SAMD12: variants seen among roughly 807,000 people sequenced by gnomAD.
The protein encoded by SAMD12 is sterile alpha motif domain-containing protein 12.
SAMD12 carries 9 observed loss-of-function variants against 15.0 expected under a neutral mutation model. That is an observed-to-expected ratio of 0.60 (90% CI 0.36 to 1.05). The LOEUF (loss-of-function observed/expected upper bound fraction) is 1.05, where lower values mean the gene tolerates loss of function less well. Among genes scored for constraint, SAMD12 ranks in the 50% least tolerant of loss-of-function variants. SAMD12 has a pLI of 0.01. For synonymous variants in SAMD12, 86 were observed against 90.1 expected (o/e 0.96, Z 0.25); for missense variants, 230 against 234.2 (o/e 0.98, Z 0.12).
intron 3 of SAMD12, among the ~76,000 whole-genome samples, chr8:118,414,361 T>G (rs1474753793): frequency 6.6e-6 from 1 of 151,588 alleles, no homozygotes; most frequent in Non-Finnish European, 1.5e-5. Flanking sequence ...AAAAATCACA[T>G]TTTAGTGACA....
intron 4 of SAMD12, among the ~76,000 whole-genome samples, chr8:118,361,252 T>C (rs1004206142): frequency 1.3e-5 from 2 of 152,210 alleles, no homozygotes; most frequent in African/African-American, 4.8e-5. Flanking sequence ...CTTGCAAGAT[T>C]AATTAATTCA....
At chr8:118,133,240 C>T in the SAMD12 span, among the ~76,000 whole-genome samples, 36 of 151,776 alleles carry the variant, frequency 2.4e-4, no homozygotes, top group South Asian at 6.9e-3. Context: ...ATGTAGAAGG[C>T]ATTCAATAAA....
At chr8:118,480,091 T>G (rs764142454) in intron 2 of SAMD12, among the ~76,000 whole-genome samples, 57 of 152,312 alleles carry the variant, frequency 3.7e-4, no homozygotes, top group Admixed American at 1.8e-3. Flanking sequence ...GGTAATTTAA[T>G]GATTTTCTGG....
intron 3 of SAMD12, among the ~76,000 whole-genome samples, chr8:118,410,149 T>C (rs192484429): frequency 6.6e-6 from 1 of 152,200 alleles, no homozygotes; most frequent in Non-Finnish European, 1.5e-5. Flanking sequence ...AAAGAGTATA[T>C]CTAAGGCTAT....
chr8:118,379,581 TTC>T lies in SAMD12; in HGVS notation c.440_441del (p.Arg147LysfsTer14), dbSNP rs758900003. ...GTACCTTGTGTGAGTAACTGTAGAT[TTC>T]TGACTTCTTCTCGCACCTTCAGCTG... Reference protein sequence around the residue: ...VLQLKVREEVRNLQLLTQGTL... With the variant: ...VLQLKVREEVXNLQLLTQGTL... On this transcript the variant is annotated frameshift_variant, in exon 4 of 4. Transcript: ENST00000314727. LOFTEE classifies it low-confidence loss of function (END_TRUNC). 6.2e-7 allele frequency: 1 copy of T among 1,613,964 alleles called. No homozygotes were observed. Among genetic ancestry groups the T allele is most frequent in the Non-Finnish European group, 8.5e-7 (1 of 1,179,914 alleles).
intron 3 of SAMD12, among the ~76,000 whole-genome samples, chr8:118,404,818 G>A (rs7818311): frequency 6.6e-6 from 1 of 151,724 alleles, no homozygotes. Context: ...CTTGTAATAC[G>A]CTTTTCATGT....
intron 2 of SAMD12, among the ~76,000 whole-genome samples, chr8:118,528,164 T>C (rs549790689): frequency 5.8e-4 from 88 of 152,314 alleles, no homozygotes; most frequent in African/African-American, 2.0e-3. Flanking sequence ...GTAGCTGGGA[T>C]TACAGGCACT....
chr8:118,609,107 T>C (rs1828047277), intron 1 of SAMD12, among the ~76,000 whole-genome samples: 1 of 152,234 alleles, frequency 6.6e-6, no homozygotes, highest in South Asian at 2.1e-4. Context: ...ACATACATTT[T>C]TAAAAGATAG....
intron 3 of SAMD12, 79 bp from the exon 4 acceptor site, chr8:118,379,779 C>T: frequency 6.5e-7 from 1 of 1,527,344 alleles, no homozygotes; most frequent in Non-Finnish European, 8.8e-7. Context: ...TCTTGACTAA[C>T]CCTGCCATCA....
chr8:118,480,540 AT>A (rs1165050051), intron 2 of SAMD12, among the ~76,000 whole-genome samples: 3 of 152,196 alleles, frequency 2.0e-5, no homozygotes, highest in African/African-American at 7.2e-5. Flanking sequence ...GGTCAAGCAA[AT>A]TAATCATTAA....
chr8:118,468,816 G>A (rs1322714773), intron 2 of SAMD12, among the ~76,000 whole-genome samples: 3 of 152,152 alleles, frequency 2.0e-5, no homozygotes, highest in African/African-American at 7.2e-5. Context: ...TGCAGAGAAG[G>A]GAGGTACAAA....
chr8:118,229,784 A>G lies in SAMD12; in HGVS notation c.434-32052T>C, dbSNP rs141465653. ...AGACACTGTCACATAGAATTCCCCT[A>G]TAAGAAGACTTCCCCGGAATGAGAG... is the stretch of plus-strand genomic sequence containing the variant. On this transcript the variant is annotated intron_variant, in intron 4 of 4. Transcript: ENST00000409003. Among the ~76,000 whole-genome samples, 65 of 152,236 alleles carry G rather than the reference A, an allele frequency of 4.3e-4. 1 individual carries two copies. The highest frequency in any genetic ancestry group is 1.5e-3 in the African/African-American group (62 of 41,556).
At chr8:118,368,728 G>C (rs1732040382) in intron 4 of SAMD12, among the ~76,000 whole-genome samples, 1 of 152,160 alleles carries the variant, frequency 6.6e-6, no homozygotes. Context: ...GGAAGAAAAT[G>C]AGAGAAAAGG....
intron 2 of SAMD12, among the ~76,000 whole-genome samples, chr8:118,548,493 G>A (rs1228172816): frequency 6.6e-6 from 1 of 152,022 alleles, no homozygotes; most frequent in East Asian, 1.9e-4. Flanking sequence ...GGTCAAATGT[G>A]TCTAGATGTT....
At chr8:118,218,234 T>C (rs1449722619) in intron 4 of SAMD12, among the ~76,000 whole-genome samples, 2 of 152,222 alleles carry the variant, frequency 1.3e-5, no homozygotes, top group African/African-American at 2.4e-5. Context: ...CAGATCACAC[T>C]TTACTATTAT....
chr8:118,366,881 T>TAATAAAATAA (rs67702658), intron 4 of SAMD12, among the ~76,000 whole-genome samples: 2,198 of 52,166 alleles, frequency 0.042, 134 homozygotes, highest in African/African-American at 0.12. Flanking sequence ...TAAAATAAAA[T>TAATAAAATAA]AATAAAATAA....
intron 4 of SAMD12, among the ~76,000 whole-genome samples, chr8:118,210,167 C>A (rs918638008): frequency 9.9e-5 from 15 of 152,198 alleles, no homozygotes; most frequent in Non-Finnish European, 1.9e-4. Context: ...ATAATAATAG[C>A]TAACATTTGT....
At chr8:118,535,234 G>A (rs986339859) in intron 2 of SAMD12, among the ~76,000 whole-genome samples, 1 of 152,220 alleles carries the variant, frequency 6.6e-6, no homozygotes, top group African/African-American at 2.4e-5. Context: ...GTTTGCCTGG[G>A]TATCACCAGT....
chr8:118,601,459 C>A (rs1237897460), intron 1 of SAMD12, among the ~76,000 whole-genome samples: 1 of 152,026 alleles, frequency 6.6e-6, no homozygotes, highest in Non-Finnish European at 1.5e-5. Context: ...GACACCATAC[C>A]CTCCTCATTA....
Sources: allele counts gnomAD v4.1 joint callset (sites outside exome capture counted in the v4.1 genomes callset), GRCh38; gene constraint gnomAD v4.1.1; transcripts MANE v1.5; gene names NCBI Gene and HGNC (gene_info 2026-07-23, HGNC 2026-07-21).